The following SPIN1 variants were observed in gnomAD, a reference collection of about 807,000 sequenced individuals.
SPIN1 encodes the protein spindlin-1.
A neutral mutation model predicts 26.0 loss-of-function variants in SPIN1; 3 were observed. The observed-to-expected ratio is 0.12, with a 90% confidence interval of 0.05 to 0.30. SPIN1 has a LOEUF of 0.30. Ranked by LOEUF, SPIN1 falls within the 10% of genes least tolerant of loss-of-function variation. The pLI, the probability that SPIN1 is intolerant of heterozygous loss-of-function variation, is 1.00. For synonymous variants in SPIN1, 101 were observed against 116.5 expected (o/e 0.87, Z 0.86); for missense variants, 126 against 333.4 (o/e 0.38, Z 4.84).
At position 88,467,037 on chromosome 9, in the gene SPIN1, C is replaced by T. The variant is rs538202025; in HGVS notation, c.356-1335C>T. On this transcript the variant is annotated intron_variant, in intron 4 of 5. Transcript: ENST00000375859. ...CAGGCGTGAGCCACCGTGCTTGTCT[C>T]TAATTGTTTGTTTGTTTGTTTGTTT... Among the ~76,000 whole-genome samples, 35 of 151,792 alleles carry T rather than the reference C, an allele frequency of 2.3e-4. 1 individual carries two copies. Among genetic ancestry groups the T allele is most frequent in the African/African-American group, 8.0e-4 (33 of 41,168 alleles).
intron 1 of SPIN1, among the ~76,000 whole-genome samples, chr9:88,422,309 A>T (rs73500222): frequency 0.017 from 2,566 of 152,252 alleles, 71 homozygotes; most frequent in African/African-American, 0.059. Flanking sequence ...TGAATCTAAA[A>T]TTTTTTTGTT....
intron 1 of SPIN1, among the ~76,000 whole-genome samples, chr9:88,420,598 C>G (rs904632983): frequency 1.3e-5 from 2 of 152,190 alleles, no homozygotes; most frequent in African/African-American, 4.8e-5. Context: ...AGTTACAGTT[C>G]TTTTCCTTTT....
intron 5 of SPIN1, among the ~76,000 whole-genome samples, chr9:88,471,049 A>C (rs1328980843): frequency 6.6e-6 from 1 of 152,098 alleles, no homozygotes. Context: ...CTCCTATTCC[A>C]TGGGCTGTTT....
rs894366175 is a variant in SPIN1 at position 88,476,309 on chromosome 9, G to A, written c.*1032G>A. 1 of 152,186 alleles carries A rather than the reference G, an allele frequency of 6.6e-6. No homozygotes were observed. The highest frequency in any genetic ancestry group is 2.1e-4 in the South Asian group (1 of 4,834). 9.4% of individuals were successfully genotyped at this position (152,186 alleles called of 1,614,324 possible). On this transcript the variant is annotated 3_prime_UTR_variant, in exon 6 of 6. Coordinates refer to ENST00000375859, the MANE Select transcript of SPIN1 (RefSeq NM_006717.3). ...CAATGCTTTTATATTGGAAGTATAAGTTTTGAGTGGCATTGTTGCCTTCTA... is the reference window on the plus strand; with the variant it reads ...CAATGCTTTTATATTGGAAGTATAAATTTTGAGTGGCATTGTTGCCTTCTA...
chr9:88,460,996 A>C (rs1742241828), intron 3 of SPIN1, among the ~76,000 whole-genome samples: 1 of 152,210 alleles, frequency 6.6e-6, no homozygotes, highest in Non-Finnish European at 1.5e-5. Flanking sequence ...AACATCTGTC[A>C]CATTGTTAGT....
intron 1 of SPIN1, among the ~76,000 whole-genome samples, chr9:88,394,898 C>T (rs1230279052): frequency 1.3e-5 from 2 of 151,266 alleles, no homozygotes; most frequent in Non-Finnish European, 2.9e-5. Context: ...CAAGCTCCGC[C>T]TCCCGGGTTC....
intron 2 of SPIN1, among the ~76,000 whole-genome samples, chr9:88,434,344 GTTTAT>G (rs67523879): frequency 4.2e-5 from 5 of 119,760 alleles, no homozygotes; most frequent in East Asian, 2.9e-4. Flanking sequence ...TTATAAAATA[GTTTAT>G]TTTATAAATT....
intron 1 of SPIN1, among the ~76,000 whole-genome samples, chr9:88,390,399 T>A (rs1320014462): frequency 6.6e-6 from 1 of 152,156 alleles, no homozygotes; most frequent in African/African-American, 2.4e-5. Flanking sequence ...TTGATGAGAG[T>A]TACTAATTTG....
intron 1 of SPIN1, among the ~76,000 whole-genome samples, chr9:88,409,297 C>T (rs1283195739): frequency 6.6e-6 from 1 of 151,716 alleles, no homozygotes; most frequent in East Asian, 2.0e-4. Context: ...GCCCGGCCTG[C>T]TTTTCTTTTT....
intron 1 of SPIN1, among the ~76,000 whole-genome samples, chr9:88,413,078 T>TG (rs951432951): frequency 2.1e-4 from 32 of 151,120 alleles, no homozygotes; most frequent in African/African-American, 7.5e-4. Flanking sequence ...TTTTTTTTTT[T>TG]TTTTTTGAGA....
intron 2 of SPIN1, among the ~76,000 whole-genome samples, chr9:88,442,348 C>G (rs1350460890): frequency 6.6e-6 from 1 of 151,302 alleles, no homozygotes; most frequent in Admixed American, 6.6e-5. Context: ...GGAGAAAGCT[C>G]ATGTAATTCT....
chr9:88,392,747 AG>A lies in SPIN1; in HGVS notation c.-159+4210del, dbSNP rs375442937. ...GAGAACACCTACCTCATCAGGGGTG[AG>A]CTTAAATGAAGTAAAATGTTTCATA... is the stretch of plus-strand genomic sequence containing the variant. On this transcript the variant is annotated intron_variant, in intron 1 of 5. Coordinates refer to ENST00000375859, the MANE Select transcript of SPIN1 (RefSeq NM_006717.3). Among the ~76,000 whole-genome samples, 200 of 152,148 alleles carry A rather than the reference AG, an allele frequency of 1.3e-3. 1 individual carries two copies. The highest frequency in any genetic ancestry group is 4.6e-3 in the African/African-American group (189 of 41,494).
chr9:88,437,944 G>T (rs1198050158), intron 2 of SPIN1, among the ~76,000 whole-genome samples: 1 of 152,174 alleles, frequency 6.6e-6, no homozygotes, highest in East Asian at 1.9e-4. Context: ...CAGAGGCCAG[G>T]AGTTCAAGAC....
chr9:88,457,725 T>C (rs1828498345), intron 3 of SPIN1: 1 of 615,520 alleles, frequency 1.6e-6, no homozygotes, highest in African/African-American at 2.0e-5. Flanking sequence ...GGCAAAATAA[T>C]AATTTGAGGC....
At chr9:88,392,952 A>C (rs1826963109) in intron 1 of SPIN1, among the ~76,000 whole-genome samples, 1 of 152,128 alleles carries the variant, frequency 6.6e-6, no homozygotes, top group Non-Finnish European at 1.5e-5. Context: ...GAGGGAAACC[A>C]TTGAAAGCAG....
At chr9:88,439,947 T>C (rs567891607) in intron 2 of SPIN1, among the ~76,000 whole-genome samples, 4 of 152,274 alleles carry the variant, frequency 2.6e-5, no homozygotes, top group African/African-American at 7.2e-5. Flanking sequence ...TCTTAATTGG[T>C]ATATTTAGAT....
At chr9:88,428,377 TA>T (rs1827801877) in intron 2 of SPIN1, among the ~76,000 whole-genome samples, 1 of 152,186 alleles carries the variant, frequency 6.6e-6, no homozygotes, top group Non-Finnish European at 1.5e-5. Context: ...TTTCCATATT[TA>T]TGTCCACATG....
intron 3 of SPIN1, among the ~76,000 whole-genome samples, chr9:88,462,046 G>A (rs1455481288): frequency 1.3e-5 from 2 of 152,110 alleles, no homozygotes; most frequent in African/African-American, 4.8e-5. Flanking sequence ...AAATTGAATA[G>A]TTACACATTT....
chr9:88,406,005 C>CTGTGTGTGTGTGTGTG (rs745317937), intron 1 of SPIN1, among the ~76,000 whole-genome samples: 75 of 103,360 alleles, frequency 7.3e-4, no homozygotes, highest in South Asian at 2.0e-3. Flanking sequence ...GCTTGTGTGT[C>CTGTGTGTGTGTGTGTG]TGTGTGTGTG....
Sources: gnomAD v4.1 joint callset for allele counts (sites outside exome capture counted in the v4.1 genomes callset) on GRCh38, gnomAD v4.1.1 for gene constraint, MANE v1.5 for transcripts, NCBI Gene and HGNC (gene_info 2026-07-23, HGNC 2026-07-21) for gene names.